TRPC7: variants seen among roughly 807,000 people sequenced by gnomAD.
The protein encoded by TRPC7 is short transient receptor potential channel 7.
Under a neutral mutation model 90.1 loss-of-function variants are expected in TRPC7, and 42 were observed. The observed-to-expected ratio is 0.47, with a 90% confidence interval of 0.36 to 0.60. TRPC7 has a LOEUF of 0.60. Among genes scored for constraint, TRPC7 ranks in the 20% least tolerant of loss-of-function variants. The probability of loss-of-function intolerance (pLI) is 0.00; values close to 1 mark genes in which losing one functional copy is unlikely to be tolerated. For missense variants in TRPC7, 955 were observed against 1,112.3 expected (o/e 0.86, Z 2.01); for synonymous variants, 451 against 436.3 (o/e 1.03, Z -0.42).
chr5:136,335,499 A>G (rs1199180140), intron 2 of TRPC7, among the ~76,000 whole-genome samples: 3 of 152,050 alleles, frequency 2.0e-5, no homozygotes, highest in Non-Finnish European at 2.9e-5. Context: ...CAGGCATGGT[A>G]TTAATTTAAG....
chr5:136,225,489 G>C lies in TRPC7; in HGVS notation c.2263-135C>G, dbSNP rs935586868. On this transcript the variant is annotated intron_variant, in intron 9 of 11. Transcript: ENST00000513104. ...CAGCTTTTGAAAGCTGATTTACCTG[G>C]TGCTGCTTGGCTTCCTAGAACATTG... 1.3e-4 allele frequency: 97 copies of C among 753,358 alleles called. No individual in the cohort carries two copies. The African/African-American group carries it at 1.7e-3, about 13-fold the overall frequency. 46.7% of individuals were successfully genotyped at this position (753,358 alleles called of 1,614,324 possible). A position where few individuals can be genotyped will look rare whatever the true frequency, so the allele number is the denominator to read the frequency against.
In TRPC7 at chr5:136,266,300, G is replaced by A. The variant is rs1164669390; in HGVS notation, c.1265C>T (p.Thr422Ile). The change falls in exon 5 of 12, where the codon ACA (threonine) becomes ATA (isoleucine). Residue 422 changes from threonine (T) to isoleucine (I), a missense_variant. By Grantham distance (89) the Thr-to-Ile change is moderately conservative. Transcript: ENST00000513104. ...GVKTLPNETFTDYPKQIFRVK... is the reference protein window; with the variant it reads ...GVKTLPNETFIDYPKQIFRVK... ...TCTGAAGATTTGTTTTGGGTAGTCT[G>A]TGAAGGTTTCGTTTGGCAGGGTTTT... The A allele has an allele frequency of 3.7e-6, 6 of 1,613,822 alleles. No individual in the cohort carries two copies. In the African/African-American group the frequency reaches 4.0e-5, roughly 11 times the overall value.
chr5:136,222,753 G>A (rs1755500450), intron 10 of TRPC7, among the ~76,000 whole-genome samples: 1 of 152,200 alleles, frequency 6.6e-6, no homozygotes, highest in Non-Finnish European at 1.5e-5. Flanking sequence ...ATAATAGGCA[G>A]GTGTCCAGGC....
At chr5:136,344,089 G>A (rs1025788889) in intron 2 of TRPC7, among the ~76,000 whole-genome samples, 5 of 152,084 alleles carry the variant, frequency 3.3e-5, no homozygotes, top group African/African-American at 4.8e-5. Flanking sequence ...GGAATACTAC[G>A]CAGCCATAAA....
chr5:136,266,963 A>G (rs1009306051), intron 4 of TRPC7, among the ~76,000 whole-genome samples: 3 of 152,200 alleles, frequency 2.0e-5, no homozygotes, highest in Non-Finnish European at 4.4e-5. Flanking sequence ...ACATTCTGTT[A>G]TAAATATTTT....
chr5:136,248,731 T>A (rs1201861618), intron 6 of TRPC7, among the ~76,000 whole-genome samples: 3 of 152,214 alleles, frequency 2.0e-5, no homozygotes, highest in African/African-American at 7.2e-5. Context: ...AGCTCTCCTA[T>A]GGGTATTTCT....
intron 1 of TRPC7, among the ~76,000 whole-genome samples, chr5:136,364,100 T>C (rs541095258): frequency 2.0e-5 from 3 of 152,316 alleles, no homozygotes; most frequent in African/African-American, 2.4e-5. Context: ...AAAAGTAACA[T>C]GCTTAATATT....
At chr5:136,319,679 C>T (rs1024595415) in intron 2 of TRPC7, among the ~76,000 whole-genome samples, 11 of 152,048 alleles carry the variant, frequency 7.2e-5, no homozygotes, top group African/African-American at 2.6e-4. Flanking sequence ...GTTCATGTTG[C>T]TAAATTCAAT....
rs138428443 is a variant in TRPC7, at chr5:136,344,225, C to T, written c.780+12383G>A. On this transcript the variant is annotated intron_variant, in intron 2 of 11. Transcript: ENST00000513104. ...TTACAAGTGGGAACTAAACACTGAG[C>T]GCAAATGGACACAAAGAAGGGAACA... 1.0e-3 allele frequency among the ~76,000 whole-genome samples: 159 copies of T among 152,086 alleles called. 1 individual carries two copies. Among genetic ancestry groups the T allele is most frequent in the East Asian group, 9.1e-3 (47 of 5,168 alleles).
chr5:136,247,652 T>C lies in TRPC7; in HGVS notation c.1663A>G (p.Ile555Val). The C allele has an allele frequency of 6.2e-7, 1 of 1,613,948 alleles. No individual in the cohort carries two copies. The highest frequency in any genetic ancestry group is 1.1e-5 in the South Asian group (1 of 91,070). ...TCGTTGGCTGGCAGAATGTATGCAA[T>C]GCGAGAGAAGCTCAGCACGACGGCT... is the stretch of plus-strand genomic sequence containing the variant. ...AIAVVLSFSR[I>V]AYILPANESF... Residue 555 changes from isoleucine to valine, a missense_variant, in exon 7 of 12, where the codon ATT becomes GTT. Around this residue, in one of 4 missense-constraint regions of TRPC7, gnomAD observed 296 missense variants for 422.7 expected, o/e 0.70. Transcript: ENST00000513104. This position sits in a 1 kb window ranked among gnomAD's most constrained non-coding sequence, Gnocchi z 4.2.
chr5:136,331,079 T>A (rs181656018), intron 2 of TRPC7, among the ~76,000 whole-genome samples: 18 of 151,868 alleles, frequency 1.2e-4, no homozygotes, highest in African/African-American at 4.1e-4. Flanking sequence ...GCTGCATTGC[T>A]CATGCCAGCT....
At chr5:136,252,696 A>G (rs962600035) in intron 5 of TRPC7, among the ~76,000 whole-genome samples, 1 of 152,146 alleles carries the variant, frequency 6.6e-6, no homozygotes, top group African/African-American at 2.4e-5. Context: ...TGAGATTCTC[A>G]TAGGATGGCA....
intron 10 of TRPC7, among the ~76,000 whole-genome samples, chr5:136,219,522 T>C (rs1755381698): frequency 6.6e-6 from 1 of 152,080 alleles, no homozygotes; most frequent in East Asian, 1.9e-4. Flanking sequence ...TCCTAGCACT[T>C]TGGGATGCTG....
intron 6 of TRPC7, among the ~76,000 whole-genome samples, chr5:136,248,759 CAA>C (rs1450352560): frequency 6.6e-6 from 1 of 152,224 alleles, no homozygotes; most frequent in Non-Finnish European, 1.5e-5. Context: ...AGCAAACCTG[CAA>C]AGTGTTCCTA....
At chr5:136,277,748 C>T (rs1757414796) in intron 3 of TRPC7, among the ~76,000 whole-genome samples, 1 of 152,160 alleles carries the variant, frequency 6.6e-6, no homozygotes, top group African/African-American at 2.4e-5. Context: ...TTGGTGTTGT[C>T]TTGGGCTTAT....
chr5:136,362,114 A>G (rs1024900055), intron 1 of TRPC7, among the ~76,000 whole-genome samples: 2 of 152,196 alleles, frequency 1.3e-5, no homozygotes, highest in African/African-American at 2.4e-5. Flanking sequence ...TGACTATACA[A>G]TAGTTATATT....
chr5:136,288,284 C>T (rs1221100871), intron 3 of TRPC7, among the ~76,000 whole-genome samples: 1 of 151,952 alleles, frequency 6.6e-6, no homozygotes, highest in Non-Finnish European at 1.5e-5. Flanking sequence ...ACTGTTTATG[C>T]CTGTTTCTCC....
intron 4 of TRPC7, among the ~76,000 whole-genome samples, chr5:136,272,876 A>G (rs1410461473): frequency 6.6e-6 from 1 of 152,140 alleles, no homozygotes; most frequent in African/African-American, 2.4e-5. Context: ...AAATTCTAGA[A>G]ATCCCTCTCT....
At chr5:136,276,127 G>C (rs1757358832) in intron 3 of TRPC7, among the ~76,000 whole-genome samples, 1 of 152,160 alleles carries the variant, frequency 6.6e-6, no homozygotes, top group South Asian at 2.1e-4. Flanking sequence ...CTGGAAACTG[G>C]TAATAGGCAA....
Sources: gnomAD v4.1 joint callset for allele counts (sites outside exome capture counted in the v4.1 genomes callset) on GRCh38, gnomAD v4.1.1 for gene constraint, gnomAD v4.1.1 regional missense constraint, Gnocchi (gnomAD v3.1) non-coding constraint, MANE v1.5 for transcripts, NCBI Gene and HGNC (gene_info 2026-07-23, HGNC 2026-07-21) for gene names.